TTC28: variants seen among roughly 807,000 people sequenced by gnomAD.
TTC28 encodes tetratricopeptide repeat domain 28, also known as tetratricopeptide repeat protein 28.
A neutral mutation model predicts 198.0 loss-of-function variants in TTC28; 61 were observed. That is an observed-to-expected ratio of 0.31 (90% confidence interval 0.25 to 0.38). The LOEUF (loss-of-function observed/expected upper bound fraction) is 0.38, where lower values mean the gene tolerates loss of function less well. TTC28 is among the 10% of genes least tolerant of loss of function. The pLI, the probability that TTC28 is intolerant of heterozygous loss-of-function variation, is 1.00. For synonymous variants in TTC28, 1,171 were observed against 1,297.8 expected (o/e 0.90, Z 2.10); for missense variants, 2,678 against 3,164.0 (o/e 0.85, Z 3.69).
At chr22:28,118,912 G>C (rs1445398644) in intron 6 of TTC28, among the ~76,000 whole-genome samples, 1 of 152,016 alleles carries the variant, frequency 6.6e-6, no homozygotes, top group East Asian at 1.9e-4. Context: ...ATCCTTTATG[G>C]AATGAAACAA....
At chr22:28,132,631 G>A (rs865882051) in intron 6 of TTC28, among the ~76,000 whole-genome samples, 18 of 151,884 alleles carry the variant, frequency 1.2e-4, no homozygotes, top group Admixed American at 9.8e-4. Flanking sequence ...TTTCTAACAC[G>A]ACTCTGACAA....
rs183868848 is a variant in TTC28 at position 28,102,350 on chromosome 22, A to G, written c.3308-1070T>C. 9.3e-4 allele frequency among the ~76,000 whole-genome samples: 142 copies of G among 152,298 alleles called. 1 individual carries two copies. The highest frequency in any genetic ancestry group is 3.2e-3 in the African/African-American group (135 of 41,556). ...CAAAACAAGTGCTATTATGAGGCAA[A>G]AGCCTTAAATGAAACCATCCTCATT... On this transcript the variant is annotated intron_variant, in intron 8 of 22. Coordinates refer to ENST00000397906, the MANE Select transcript of TTC28 (RefSeq NM_001145418.2).
At chr22:28,633,493 T>C (rs1209667262) in intron 1 of TTC28, among the ~76,000 whole-genome samples, 3 of 151,718 alleles carry the variant, frequency 2.0e-5, no homozygotes, top group Non-Finnish European at 2.9e-5. Context: ...GCTGAGTGGG[T>C]GACACGCACC....
At chr22:28,645,005 C>T (rs1470654096) in intron 1 of TTC28, among the ~76,000 whole-genome samples, 3 of 150,964 alleles carry the variant, frequency 2.0e-5, no homozygotes, top group African/African-American at 7.3e-5. Context: ...ATTAGCCGGG[C>T]GTGGTGGCAG....
intron 2 of TTC28, among the ~76,000 whole-genome samples, chr22:28,413,631 T>C (rs1424824851): frequency 6.6e-6 from 1 of 152,182 alleles, no homozygotes; most frequent in Non-Finnish European, 1.5e-5. Context: ...ACATAACTTA[T>C]TTTAAATTTA....
At chr22:28,494,386 A>G (rs1326589611) in intron 2 of TTC28, among the ~76,000 whole-genome samples, 1 of 152,212 alleles carries the variant, frequency 6.6e-6, no homozygotes, top group Non-Finnish European at 1.5e-5. Flanking sequence ...GTAAATGGTC[A>G]TAGTCTAGGC....
At chr22:28,512,308 A>G (rs540225270) in intron 2 of TTC28, among the ~76,000 whole-genome samples, 4 of 152,076 alleles carry the variant, frequency 2.6e-5, no homozygotes, top group Non-Finnish European at 4.4e-5. Flanking sequence ...AGAAAAAGGA[A>G]CACTTTTACA....
At position 28,043,344 on chromosome 22, in the gene TTC28, C is replaced by T. The variant is rs148100458; in HGVS notation, c.3933-12978G>A. Among the ~76,000 whole-genome samples the T allele has an allele frequency of 9.2e-3, 1,391 of 150,852 alleles. 8 individuals are homozygous for T. Among genetic ancestry groups the T allele is most frequent in the Non-Finnish European group, 0.014 (976 of 67,778 alleles). On this transcript the variant is annotated intron_variant, in intron 12 of 22. Transcript: ENST00000397906. Reference sequence around the variant, plus strand: ...TTCCTGCACTGGTGATTGTATCAGACGTGTATTACTGCCCCAAGCTTGGCC... The same window carrying T: ...TTCCTGCACTGGTGATTGTATCAGATGTGTATTACTGCCCCAAGCTTGGCC...
chr22:28,153,423 CGTTTTTT>C (rs1278781141), intron 6 of TTC28, among the ~76,000 whole-genome samples: 18 of 135,474 alleles, frequency 1.3e-4, no homozygotes, highest in Admixed American at 2.9e-4. Flanking sequence ...AAAAAACCTT[CGTTTTTT>C]GTTTTTTGTT....
chr22:28,604,297 T>TATATATATATATATATATATA (rs1053139903), intron 2 of TTC28, among the ~76,000 whole-genome samples: 147 of 113,916 alleles, frequency 1.3e-3, no homozygotes, highest in South Asian at 2.5e-3. Flanking sequence ...AAAAAAAAAA[T>TATATATATATATATATATATA]TATATATATA....
chr22:28,018,308 G>GC (rs1938460043), intron 13 of TTC28, among the ~76,000 whole-genome samples: 1 of 81,852 alleles, frequency 1.2e-5, no homozygotes, highest in Non-Finnish European at 2.3e-5. Flanking sequence ...TGCGCGCGCG[G>GC]GGGGGGGGGC....
At position 28,018,244 on chromosome 22, in the gene TTC28, AGTGTGTGTGTGTGTGTGT is replaced by A. The variant is rs138612299; in HGVS notation, c.4074-3870_4074-3853del. 7.3e-3 allele frequency among the ~76,000 whole-genome samples: 840 copies of A among 114,970 alleles called. 18 individuals are homozygous for A. In the South Asian group the frequency reaches 0.081, roughly 11 times the overall value. The allele number at this position is 114,970 out of a possible 152,430, so 75.4% of individuals were successfully genotyped here. Reference sequence around the variant, plus strand: ...ACTCCTCTGATCTGTGCTGCTATTCAGTGTGTGTGTGTGTGTGTGTGTGTGTGTGTGTGTATGTGTGTG... The same window carrying A: ...ACTCCTCTGATCTGTGCTGCTATTCAGTGTGTGTGTGTGTGTATGTGTGTG... On this transcript the variant is annotated intron_variant, in intron 13 of 22. Coordinates refer to ENST00000397906, the MANE Select transcript of TTC28 (RefSeq NM_001145418.2).
At position 28,388,452 on chromosome 22, in the gene TTC28, C is replaced by T. The variant is rs1421417033; in HGVS notation, c.382-81809G>A. 1.1e-4 allele frequency among the ~76,000 whole-genome samples: 17 copies of T among 152,266 alleles called. No homozygotes were observed. The East Asian group carries it at 2.1e-3, about 19-fold the overall frequency. ...ATCTTGGGCAGTATGGCCATTTTCA[C>T]GATATTGATTCTTCCTACCCATGAG... On this transcript the variant is annotated intron_variant, in intron 2 of 22. Coordinates refer to ENST00000397906, the MANE Select transcript of TTC28 (RefSeq NM_001145418.2).
In TTC28 at chr22:28,211,147, AG is replaced by A. The variant is rs559743214; in HGVS notation, c.934-47549del. Among the ~76,000 whole-genome samples the A allele has an allele frequency of 1.9e-3, 289 of 152,302 alleles. 2 individuals are homozygous for A. Among genetic ancestry groups the A allele is most frequent in the Non-Finnish European group, 3.0e-3 (205 of 68,028 alleles). ...CCTGAAGGAAGCACTAAACATGGAA[AG>A]GAACAACCGGTACCAACCACTGCAA... On this transcript the variant is annotated intron_variant, in intron 5 of 22. Coordinates refer to ENST00000397906, the MANE Select transcript of TTC28 (RefSeq NM_001145418.2).
In TTC28 at chr22:27,982,186, C is replaced by G; in HGVS notation, c.*35G>C. 1 of 1,455,006 alleles carries G rather than the reference C, an allele frequency of 6.9e-7. No individual in the cohort carries two copies. The highest frequency in any genetic ancestry group is 9.1e-7 in the Non-Finnish European group (1 of 1,102,660). The allele number at this position is 1,455,006 out of a possible 1,614,324, so 90.1% of individuals were successfully genotyped here. ...GAAGCAAACGCCAGGCCCCCATCTG[C>G]AGGCTGCTCAGAGTCAGTGGGTATA... On this transcript the variant is annotated 3_prime_UTR_variant, in exon 23 of 23. Coordinates refer to ENST00000397906, the MANE Select transcript of TTC28 (RefSeq NM_001145418.2). This position sits in a 1 kb window ranked among gnomAD's most constrained non-coding sequence, Gnocchi z 5.2.
chr22:28,407,130 G>A (rs2047008792), intron 2 of TTC28, among the ~76,000 whole-genome samples: 1 of 152,106 alleles, frequency 6.6e-6, no homozygotes, highest in African/African-American at 2.4e-5. Flanking sequence ...CCTATGGACA[G>A]CAAACAAGTT....
At position 28,105,652 on chromosome 22, in the gene TTC28, G is replaced by A; in HGVS notation, c.2934C>T (p.Ser978=). 2 of 1,552,122 alleles carry A rather than the reference G, an allele frequency of 1.3e-6. No homozygotes were observed. The highest frequency in any genetic ancestry group is 1.7e-6 in the Non-Finnish European group (2 of 1,147,098). Reference sequence around the variant, plus strand: ...CAATGTTCAGCTGGCGTTCAAGGCAGGAAATGGCTTGTTCGTAATTCCCTA... The same window carrying A: ...CAATGTTCAGCTGGCGTTCAAGGCAAGAAATGGCTTGTTCGTAATTCCCTA... The part of the protein sequence containing the change: ...SQLGNYEQAI[S]CLERQLNIAR... The change falls in exon 8 of 23, where the codon TCC becomes TCT. Residue 978 remains serine, a synonymous_variant. Coordinates refer to ENST00000397906, the MANE Select transcript of TTC28 (RefSeq NM_001145418.2).
chr22:28,018,299 G>A (rs1418308719), intron 13 of TTC28, among the ~76,000 whole-genome samples: 4 of 101,376 alleles, frequency 3.9e-5, no homozygotes, highest in African/African-American at 1.8e-4. Flanking sequence ...GCGCGTGTGT[G>A]CGCGCGCGGG....
intron 20 of TTC28, 33 bp from the exon 21 acceptor site, chr22:27,990,040 G>A: frequency 1.3e-6 from 2 of 1,538,098 alleles, no homozygotes; most frequent in Non-Finnish European, 1.8e-6. Flanking sequence ...AGCACCCTGT[G>A]TCTCCTTCCC....
Sources: gnomAD v4.1 joint callset for allele counts (sites outside exome capture counted in the v4.1 genomes callset) on GRCh38, gnomAD v4.1.1 for gene constraint, Gnocchi (gnomAD v3.1) non-coding constraint, MANE v1.5 for transcripts, NCBI Gene and HGNC (gene_info 2026-07-23, HGNC 2026-07-21) for gene names.